The following TTC4 variants were observed in gnomAD, a reference collection of about 807,000 sequenced individuals.
TTC4 encodes tetratricopeptide repeat domain 4, also known as hsp70/Hsp90 co-chaperone CNS1 homolog.
Under a neutral mutation model 51.9 loss-of-function variants are expected in TTC4, and 36 were observed. That is an observed-to-expected ratio of 0.69 (90% CI 0.53 to 0.92). The LOEUF is 0.92. Ranked by LOEUF, TTC4 falls within the 40% of genes least tolerant of loss-of-function variation. The pLI is 0.00. For missense variants in TTC4, 399 were observed against 454.6 expected, an observed-to-expected ratio of 0.88 and a Z score of 1.11; for synonymous variants, 144 against 164.2, an observed-to-expected ratio of 0.88 and a Z score of 0.94.
rs1645731989 is a variant in TTC4 at position 54,720,593 on chromosome 1, A to G, written c.392-570A>G. 2.0e-5 allele frequency among the ~76,000 whole-genome samples: 3 copies of G among 151,748 alleles called. No individual in the cohort carries two copies. In the South Asian group the frequency reaches 6.2e-4, roughly 31 times the overall value. ...TACCGTGTTTCTTACATGAGGATCT[A>G]TCTCATTCTTTTTAATGGCTGCATA... On this transcript the variant is annotated intron_variant, in intron 3 of 9. Coordinates refer to ENST00000371281, the MANE Select transcript of TTC4 (RefSeq NM_004623.5).
chr1:54,737,579 C>T lies in TTC4; in HGVS notation c.979-3C>T, dbSNP rs1411105877. The T allele has an allele frequency of 1.2e-5, 19 of 1,613,362 alleles. No homozygotes were observed. The highest frequency in any genetic ancestry group is 1.5e-5 in the Non-Finnish European group (18 of 1,179,812). ...GACTCTTGCCCTTCTGTTAATCTTG[C>T]AGGTCTACTTTGAGGATGAGGACAG... On this transcript the variant is annotated splice_polypyrimidine_tract_variant and splice_region_variant and intron_variant, in intron 8 of 9. Coordinates refer to ENST00000371281, the MANE Select transcript of TTC4 (RefSeq NM_004623.5).
intron 7 of TTC4, 32 bp downstream of exon 7, chr1:54,731,732 G>C: frequency 6.3e-7 from 1 of 1,596,410 alleles, no homozygotes; most frequent in Non-Finnish European, 8.6e-7. Context: ...CTCTGCTTTT[G>C]CTTGCATGCT....
chr1:54,720,210 A>AT (rs1645726901), intron 3 of TTC4, among the ~76,000 whole-genome samples: 1 of 151,990 alleles, frequency 6.6e-6, no homozygotes, highest in African/African-American at 2.4e-5. Flanking sequence ...GGTTTCTTAC[A>AT]TTTTTCAAGA....
chr1:54,725,273 C>T (rs1645786043), intron 5 of TTC4, among the ~76,000 whole-genome samples: 1 of 151,930 alleles, frequency 6.6e-6, no homozygotes, highest in African/African-American at 2.4e-5. Context: ...GAGAATTTGT[C>T]AAAAAACAAT....
At chr1:54,726,166 T>A (rs1422147082) in intron 5 of TTC4, among the ~76,000 whole-genome samples, 1 of 152,094 alleles carries the variant, frequency 6.6e-6, no homozygotes, top group Non-Finnish European at 1.5e-5. Flanking sequence ...CCTAAACACA[T>A]TATAATTAAA....
At chr1:54,731,833 A>G (rs1645869211) in intron 7 of TTC4, 133 bp downstream of exon 7, 2 of 840,782 alleles carry the variant, frequency 2.4e-6, no homozygotes, top group African/African-American at 1.7e-5. Flanking sequence ...CTGGTTTGAT[A>G]ATAACCTCTC....
At chr1:54,723,126 T>TTAGCTACACAGATAC (rs1553180206) in intron 5 of TTC4, among the ~76,000 whole-genome samples, 9 of 152,200 alleles carry the variant, frequency 5.9e-5, no homozygotes, top group Admixed American at 5.2e-4. Flanking sequence ...TTAGATGTGT[T>TTAGCTACACAGATAC]TAGCTACACA....
At chr1:54,717,695 A>C in intron 3 of TTC4, 42 bp downstream of exon 3, 1 of 1,463,412 alleles carries the variant, frequency 6.8e-7, no homozygotes, top group South Asian at 1.6e-5. Flanking sequence ...TTATGATACA[A>C]GCCATTATGA....
chr1:54,726,354 C>G (rs1041781056), intron 5 of TTC4, among the ~76,000 whole-genome samples: 21 of 152,260 alleles, frequency 1.4e-4, no homozygotes, highest in Admixed American at 3.9e-4. Context: ...CTATATCTAG[C>G]AAATCTATTC....
At chr1:54,730,999 C>T (rs1255546386) in intron 6 of TTC4, among the ~76,000 whole-genome samples, 3 of 152,092 alleles carry the variant, frequency 2.0e-5, no homozygotes, top group African/African-American at 7.2e-5. Context: ...CACTTCTTAC[C>T]TTATATCATC....
intron 4 of TTC4, 62 bp from the exon 5 acceptor site, chr1:54,722,613 G>T (rs1016014557): frequency 1.3e-6 from 2 of 1,595,982 alleles, no homozygotes; most frequent in Non-Finnish European, 1.7e-6. Context: ...GGGAGATCTT[G>T]CCCAAAGCAG....
chr1:54,720,535 AC>A (rs1645731457), intron 3 of TTC4, among the ~76,000 whole-genome samples: 2 of 151,310 alleles, frequency 1.3e-5, no homozygotes, highest in African/African-American at 2.4e-5. Context: ...TACTCATAGA[AC>A]CACCACTTAA....
intron 5 of TTC4, among the ~76,000 whole-genome samples, chr1:54,726,786 T>A (rs1392284931): frequency 2.6e-5 from 4 of 152,232 alleles, no homozygotes; most frequent in Non-Finnish European, 5.9e-5. Flanking sequence ...GTAATTTTCT[T>A]TTTTGAGACA....
chr1:54,725,080 G>T (rs1275068324), intron 5 of TTC4, among the ~76,000 whole-genome samples: 1 of 152,186 alleles, frequency 6.6e-6, no homozygotes, highest in African/African-American at 2.4e-5. Context: ...ACCAGAGGAG[G>T]CAGAACAGGG....
chr1:54,728,412 G>A lies in TTC4; in HGVS notation c.661G>A (p.Ala221Thr). 6.2e-7 allele frequency: 1 copy of A among 1,612,928 alleles called. No homozygotes were observed. ...KEKKERNQNE[A>T]LLQAIKARNI... ...AAAGAAGGAGAGGAATCAGAATGAG[G>A]CTTTACTCCAGGCCATCAAGGTGAG... is the stretch of plus-strand genomic sequence containing the variant. The change falls in exon 6 of 10, where the codon GCT (alanine) becomes ACT (threonine). Residue 221 changes from alanine to threonine, a missense_variant. Physicochemically the swap from Ala to Thr is moderately conservative, Grantham distance 58. This residue lies in a region of TTC4 where 316 missense variants were observed against 349.6 expected (regional missense o/e 0.90). Coordinates refer to ENST00000371281, the MANE Select transcript of TTC4 (RefSeq NM_004623.5).
At chr1:54,740,216 T>G (rs1317496562) in intron 9 of TTC4, among the ~76,000 whole-genome samples, 1 of 152,116 alleles carries the variant, frequency 6.6e-6, no homozygotes, top group African/African-American at 2.4e-5. Flanking sequence ...AGATTTGAAG[T>G]GTACTGTTCA....
intron 6 of TTC4, 136 bp downstream of exon 6, chr1:54,728,568 CAG>C (rs1310712330): frequency 2.4e-6 from 2 of 837,342 alleles, no homozygotes; most frequent in Non-Finnish European, 3.6e-6. Context: ...AGCAGTGTGA[CAG>C]AGGAGACCAG....
intron 3 of TTC4, among the ~76,000 whole-genome samples, chr1:54,720,892 AC>A (rs1267530077): frequency 1.3e-5 from 2 of 152,068 alleles, no homozygotes; most frequent in African/African-American, 4.8e-5. Context: ...TATTTGTCTA[AC>A]TTTTAGCAAT....
Position 54,715,907 on chromosome 1 carries a change from C to A in TTC4, c.-2C>A. 1.9e-6 allele frequency: 3 copies of A among 1,602,858 alleles called. No individual in the cohort carries two copies. The highest frequency in any genetic ancestry group is 2.3e-5 in the East Asian group (1 of 44,382). On this transcript the variant is annotated 5_prime_UTR_variant, in exon 1 of 10. Transcript: ENST00000371281. ...CCCGGGCTGGAAGGCAGGGCATCAG[C>A]TATGGAACAACCTGGGCAGGATCCC...
Sources: allele counts gnomAD v4.1 joint callset (sites outside exome capture counted in the v4.1 genomes callset), GRCh38; gene constraint gnomAD v4.1.1; regional missense constraint gnomAD v4.1.1; transcripts MANE v1.5; gene names NCBI Gene and HGNC (gene_info 2026-07-23, HGNC 2026-07-21).